NTMT1: variants seen among roughly 807,000 people sequenced by gnomAD.
NTMT1 encodes the protein N-terminal RCC1 methyltransferase.
Under a neutral mutation model 17.5 loss-of-function variants are expected in NTMT1, and 8 were observed. That is an observed-to-expected ratio of 0.46 (90% CI 0.27 to 0.82). The LOEUF is 0.82. Ranked by LOEUF, NTMT1 falls within the 40% of genes least tolerant of loss-of-function variation. The pLI is 0.15. For synonymous variants in NTMT1, 128 were observed against 126.8 expected (o/e 1.01, Z -0.06); for missense variants, 221 against 303.5 (o/e 0.73, Z 2.02).
intron 1 of NTMT1, among the ~76,000 whole-genome samples, chr9:129,631,729 C>T (rs527359197): frequency 2.6e-5 from 4 of 152,338 alleles, no homozygotes; most frequent in Non-Finnish European, 4.4e-5. Flanking sequence ...TGCCGTCGCC[C>T]TCCACCTACT....
chr9:129,612,133 C>A, intron 1 of NTMT1: 1 of 540,548 alleles, frequency 1.8e-6, no homozygotes, highest in Non-Finnish European at 3.4e-6. Context: ...CAGGGATGCC[C>A]TGTCCCCACC....
At chr9:129,611,739 C>T (rs977498870) in intron 1 of NTMT1, among the ~76,000 whole-genome samples, 6 of 151,878 alleles carry the variant, frequency 4.0e-5, no homozygotes, top group Non-Finnish European at 7.4e-5. Flanking sequence ...TTTTGGGTTT[C>T]GTTGTTGTTG....
At chr9:129,631,498 A>T (rs7856232) in intron 1 of NTMT1, among the ~76,000 whole-genome samples, 1 of 152,020 alleles carries the variant, frequency 6.6e-6, no homozygotes, top group African/African-American at 2.4e-5. Context: ...GAGGCTTTCT[A>T]GTTCTCTCTC....
At chr9:129,629,885 A>G (rs1398780150) in intron 1 of NTMT1, among the ~76,000 whole-genome samples, 1 of 151,908 alleles carries the variant, frequency 6.6e-6, no homozygotes, top group African/African-American at 2.4e-5. Flanking sequence ...GGATGGCTTG[A>G]GCCCAGGAGT....
intron 3 of NTMT1, 39 bp downstream of exon 3, chr9:129,634,345 C>T (rs1831382720): frequency 1.9e-6 from 3 of 1,551,208 alleles, no homozygotes; most frequent in African/African-American, 1.4e-5. Flanking sequence ...ACCTGTATGT[C>T]TCCTGCCACT....
chr9:129,617,060 C>A (rs915081731), intron 1 of NTMT1, among the ~76,000 whole-genome samples: 3 of 146,724 alleles, frequency 2.0e-5, no homozygotes, highest in Non-Finnish European at 4.5e-5. Flanking sequence ...AGTGAGACTT[C>A]GTCTCAAAAA....
Position 129,635,431 on chromosome 9 carries a change from G to A in NTMT1, c.639G>A (p.Glu213=). The A allele has an allele frequency of 6.2e-7, 1 of 1,613,376 alleles. No homozygotes were observed. The highest frequency in any genetic ancestry group is 8.5e-7 in the Non-Finnish European group (1 of 1,180,016). ...AGAGGCAGGAGAACCTCCCCGATGAGATCTACCATGTCTATAGCTTTGCCC... is the reference window on the plus strand; with the variant it reads ...AGAGGCAGGAGAACCTCCCCGATGAAATCTACCATGTCTATAGCTTTGCCC... The part of the protein sequence containing the change: ...AEERQENLPD[E]IYHVYSFALR The change falls in exon 4 of 4, where the codon GAG becomes GAA. Residue 213 remains glutamate (E), a synonymous_variant. Coordinates refer to ENST00000372483, the MANE Select transcript of NTMT1 (RefSeq NM_014064.4).
intron 1 of NTMT1, among the ~76,000 whole-genome samples, chr9:129,612,861 G>A (rs948451731): frequency 1.3e-4 from 20 of 152,122 alleles, no homozygotes; most frequent in Admixed American, 1.0e-3. Flanking sequence ...GGGAGGGGAG[G>A]GGAGATGCAG....
upstream of NTMT1, among the ~76,000 whole-genome samples, chr9:129,624,071 G>C (rs757108096): frequency 3.3e-5 from 5 of 152,160 alleles, no homozygotes; most frequent in Non-Finnish European, 5.9e-5. Context: ...TGAGATTACA[G>C]GCGTGAGCCA....
At chr9:129,609,658 G>A (rs1232828446) in intron 1 of NTMT1, among the ~76,000 whole-genome samples, 1 of 151,688 alleles carries the variant, frequency 6.6e-6, no homozygotes, top group East Asian at 2.0e-4. Context: ...TGCCAAAGAG[G>A]GTGAGAGATA....
chr9:129,620,455 G>C lies in NTMT1; in HGVS notation c.-55+11277G>C. 7.5e-7 allele frequency: 1 copy of C among 1,326,148 alleles called. No individual in the cohort carries two copies. The highest frequency in any genetic ancestry group is 9.7e-7 in the Non-Finnish European group (1 of 1,035,852). The allele number at this position is 1,326,148 out of a possible 1,614,324, so 82.1% of individuals were successfully genotyped here. The stretch of plus-strand genomic sequence containing the variant: ...AGCCCCGCGCGCCCAGAGCCGCTCG[G>C]AGCGCGGGCGGGGTCAGCTTGGGCA... On this transcript the variant is annotated intron_variant, in intron 1 of 3. Transcript: ENST00000372486. This position sits in a 1 kb window ranked among gnomAD's most constrained non-coding sequence, Gnocchi z 5.8.
chr9:129,622,763 C>G (rs914868748), upstream of NTMT1, among the ~76,000 whole-genome samples: 2 of 152,030 alleles, frequency 1.3e-5, no homozygotes, highest in African/African-American at 4.8e-5. Context: ...TCCAGTGGCT[C>G]ATACCTGTAA....
intron 1 of NTMT1, among the ~76,000 whole-genome samples, chr9:129,630,537 C>T (rs996116412): frequency 6.6e-5 from 10 of 152,218 alleles, no homozygotes; most frequent in Non-Finnish European, 1.0e-4. Context: ...GGCATTTTCC[C>T]GTTTCCCTCT....
At chr9:129,626,488 G>C (rs972642110) in intron 1 of NTMT1, 193 bp downstream of exon 1, 1 of 152,318 alleles carries the variant, frequency 6.6e-6, no homozygotes, top group Non-Finnish European at 1.5e-5. Context: ...CAGGGACTAC[G>C]GAGCAGTCCA....
chr9:129,622,809 C>T (rs1032538421), upstream of NTMT1, among the ~76,000 whole-genome samples: 3 of 152,084 alleles, frequency 2.0e-5, no homozygotes, highest in Non-Finnish European at 2.9e-5. Flanking sequence ...AGGTGGATTG[C>T]CTGAGCTCAG....
upstream of NTMT1, among the ~76,000 whole-genome samples, chr9:129,623,385 A>G (rs1204392227): frequency 2.0e-5 from 3 of 151,484 alleles, no homozygotes; most frequent in Non-Finnish European, 4.4e-5. Context: ...AAATTAACAG[A>G]CCCACTTTCA....
Position 129,620,167 on chromosome 9 carries a change from G to C in NTMT1, c.-55+10989G>C. The C allele has an allele frequency of 4.1e-6, 6 of 1,462,416 alleles. No individual in the cohort carries two copies. The highest frequency in any genetic ancestry group is 2.6e-5 in the East Asian group (1 of 39,008). The allele number at this position is 1,462,416 out of a possible 1,614,324, so 90.6% of individuals were successfully genotyped here. A position where few individuals can be genotyped will look rare whatever the true frequency, so the allele number is the denominator to read the frequency against. On this transcript the variant is annotated intron_variant, in intron 1 of 3. Coordinates refer to the NTMT1 transcript ENST00000372486. This position sits in a 1 kb window ranked among gnomAD's most constrained non-coding sequence, Gnocchi z 5.8. ...CTCCTAGGAAGGCGCCCAAGAAGTC[G>C]GGGTCCTCCCTGGCCACGCGCCTCC...
intron 1 of NTMT1, chr9:129,628,758 G>A (rs1463187126): frequency 5.3e-5 from 8 of 152,338 alleles, no homozygotes; most frequent in African/African-American, 9.6e-5. Flanking sequence ...TTTGATCAGA[G>A]GTGAACTTTC....
chr9:129,619,733 C>G, intron 1 of NTMT1: 2 of 1,613,960 alleles, frequency 1.2e-6, no homozygotes, highest in South Asian at 2.2e-5. Flanking sequence ...AGCGGACTGA[C>G]GCTTACCACA....
Sources: allele counts gnomAD v4.1 joint callset (sites outside exome capture counted in the v4.1 genomes callset), GRCh38; gene constraint gnomAD v4.1.1; non-coding constraint Gnocchi (gnomAD v3.1); transcripts MANE v1.5; gene names NCBI Gene and HGNC (gene_info 2026-07-23, HGNC 2026-07-21).